Variants in TUB observed in about 807,000 individuals in gnomAD.
The protein encoded by TUB is TUB bipartite transcription factor.
TUB carries 33 observed loss-of-function variants against 59.7 expected under a neutral mutation model. That is an observed-to-expected ratio of 0.55 (90% confidence interval 0.42 to 0.74). TUB has a LOEUF of 0.74. Among genes scored for constraint, TUB ranks in the 30% least tolerant of loss-of-function variants. The probability of loss-of-function intolerance (pLI) is 0.00; values close to 1 mark genes in which losing one functional copy is unlikely to be tolerated. For missense variants in TUB, 659 were observed against 672.0 expected (o/e 0.98, Z 0.21); for synonymous variants, 293 against 256.4 (o/e 1.14, Z -1.36).
At position 8,052,628 on chromosome 11, in the gene TUB, C is replaced by A. The variant is rs527921393; in HGVS notation, c.203+12936C>A. ...GGGACTACAGGTGCCCACCACCACG[C>A]CCTGCTAATTTTTTGTTTTTGTATT... On this transcript the variant is annotated intron_variant, in intron 2 of 12. Coordinates refer to the TUB transcript ENST00000305253. Among the ~76,000 whole-genome samples the A allele has an allele frequency of 4.1e-3, 629 of 152,078 alleles. 9 individuals are homozygous for A. The highest frequency in any genetic ancestry group is 0.014 in the African/African-American group (585 of 41,498).
chr11:8,097,604 T>C, intron 7 of TUB, 110 bp from the exon 8 acceptor site: 1 of 1,293,262 alleles, frequency 7.7e-7, no homozygotes, highest in Non-Finnish European at 1.1e-6. Flanking sequence ...TGTGTGCACA[T>C]ATGTGCGTTT....
rs563110910 is a variant in TUB, at chr11:8,027,780, G to T, written c.56+8422G>T. ...TCCGCCCATCTCAGCCTCCCCAGGT[G>T]CTGGGATTACAGGCGTGAGCCACTG... On this transcript the variant is annotated intron_variant, in intron 1 of 11. Coordinates refer to the TUB transcript ENST00000534099. Among the ~76,000 whole-genome samples, 19 of 152,368 alleles carry T rather than the reference G, an allele frequency of 1.2e-4. No individual in the cohort carries two copies. The South Asian group carries it at 3.9e-3, about 32-fold the overall frequency.
Position 8,090,092 on chromosome 11 carries a change from G to A in TUB, c.114G>A (p.Gln38=), listed in dbSNP as rs61733961. 3.4e-3 allele frequency: 5,513 copies of A among 1,611,072 alleles called. 109 individuals are homozygous for A. The Admixed American group carries it at 0.055, about 16-fold the overall frequency. ...DRQRALLEQK[Q]KKKRQEPLMV... is the part of the protein sequence containing the mutation. ...AGCGGGCCCTGCTGGAGCAGAAGCA[G>A]AAGAAGAAGCGCCAGGAGCCCCTGA... The change falls in exon 3 of 12, where the codon CAG becomes CAA. Residue 38 remains glutamine, a synonymous_variant. Transcript: ENST00000299506.
chr11:8,025,546 T>C (rs1353672417), intron 1 of TUB, among the ~76,000 whole-genome samples: 1 of 152,220 alleles, frequency 6.6e-6, no homozygotes, highest in African/African-American at 2.4e-5. Context: ...TCTGATTCGT[T>C]TCCTAGAGTT....
chr11:8,100,590 C>G lies in TUB; in HGVS notation c.1204C>G (p.Arg402Gly). The G allele has an allele frequency of 6.2e-7, 1 of 1,613,886 alleles. No homozygotes were observed. The highest frequency in any genetic ancestry group is 8.5e-7 in the Non-Finnish European group (1 of 1,179,900). The change falls in exon 10 of 12, where the codon CGC (arginine) becomes GGC (glycine). Residue 402 changes from arginine (R) to glycine (G), a missense_variant. Arg to Gly is a moderately radical substitution (Grantham distance 125). Coordinates refer to ENST00000299506, the MANE Select transcript of TUB (RefSeq NM_177972.3). ...CATGGTTCATGAGAGAGTCTCTATCCGCCCCCGCAACGTGAGTGTCTACCC... is the reference window on the plus strand; with the variant it reads ...CATGGTTCATGAGAGAGTCTCTATCGGCCCCCGCAACGTGAGTGTCTACCC... ...MNMVHERVSI[R>G]PRNEHETLLA... is the part of the protein sequence containing the mutation.
At chr11:8,101,209 A>C (rs985842309) in intron 11 of TUB, among the ~76,000 whole-genome samples, 1 of 152,142 alleles carries the variant, frequency 6.6e-6, no homozygotes, top group South Asian at 2.1e-4. Flanking sequence ...CTGTGTATTC[A>C]ACGGAGTCTC....
At position 8,097,248 on chromosome 11, in the gene TUB, C is replaced by T. The variant is rs758723843; in HGVS notation, c.708C>T (p.Ser236=). ...CATAGGAGGCAGCCTCAGCCCCTAG[C>T]CCAACAGCTCCAGAGCAACCAGTGG... The part of the protein sequence containing the change: ...KSVREAASAP[S]PTAPEQPVDV... Residue 236 remains serine (S), a synonymous_variant, in exon 7 of 12, where the codon AGC becomes AGT. Transcript: ENST00000299506. The T allele has an allele frequency of 1.9e-6, 3 of 1,614,006 alleles. No homozygotes were observed. The African/African-American group carries it at 4.0e-5, about 22-fold the overall frequency.
intron 1 of TUB, among the ~76,000 whole-genome samples, chr11:8,032,729 T>A (rs1054372210): frequency 2.6e-5 from 4 of 152,138 alleles, no homozygotes; most frequent in Admixed American, 6.5e-5. Flanking sequence ...CTGGGAACAT[T>A]TCTTTGGGGA....
chr11:8,027,891 A>G (rs539572707), intron 1 of TUB, among the ~76,000 whole-genome samples: 2 of 152,340 alleles, frequency 1.3e-5, no homozygotes, highest in East Asian at 3.9e-4. Flanking sequence ...AAAATGCTCC[A>G]GTGAACATTG....
At chr11:8,061,734 C>T (rs1943131881) in intron 2 of TUB, among the ~76,000 whole-genome samples, 1 of 152,116 alleles carries the variant, frequency 6.6e-6, no homozygotes, top group Non-Finnish European at 1.5e-5. Context: ...GCTAAGAGAT[C>T]CAGATCCCCA....
At chr11:8,041,979 C>G (rs910635781) in intron 2 of TUB, among the ~76,000 whole-genome samples, 4 of 152,214 alleles carry the variant, frequency 2.6e-5, no homozygotes, top group Non-Finnish European at 5.9e-5. Context: ...ACATTACCCA[C>G]TTATTGGGAT....
At chr11:8,020,107 C>T (rs1942400260) in intron 1 of TUB, among the ~76,000 whole-genome samples, 1 of 152,232 alleles carries the variant, frequency 6.6e-6, no homozygotes, top group Non-Finnish European at 1.5e-5. Context: ...CTAGGTTATG[C>T]CTGTTCTACC....
At chr11:8,072,536 A>G (rs1261596681) in intron 2 of TUB, among the ~76,000 whole-genome samples, 4 of 152,210 alleles carry the variant, frequency 2.6e-5, no homozygotes, top group Non-Finnish European at 1.5e-5. Flanking sequence ...GCGAGCACTT[A>G]GCACAGTGCT....
rs1329738527 is a variant in TUB, at chr11:8,104,717, T to C, written c.*3098T>C. 2 of 152,154 alleles carry C rather than the reference T, an allele frequency of 1.3e-5. No individual in the cohort carries two copies. Among genetic ancestry groups the C allele is most frequent in the African/African-American group, 2.4e-5 (1 of 41,414 alleles). The allele number at this position is 152,154 out of a possible 1,614,324, so 9.4% of individuals were successfully genotyped here. ...TGCATTGCCTGAAAAAACTGGTATG[T>C]TGCACGTATGCTTTTGGTTGAAATT... On this transcript the variant is annotated 3_prime_UTR_variant, in exon 12 of 12. Transcript: ENST00000299506.
chr11:8,089,486 C>CA (rs1808102924), intron 1 of TUB, 124 bp from the exon 2 acceptor site: 1 of 1,163,308 alleles, frequency 8.6e-7, no homozygotes, highest in African/African-American at 1.5e-5. Context: ...CATGTGGGCT[C>CA]ACTGAGTCCC....
intron 2 of TUB, among the ~76,000 whole-genome samples, chr11:8,073,718 T>C (rs974888519): frequency 6.6e-6 from 1 of 152,202 alleles, no homozygotes; most frequent in African/African-American, 2.4e-5. Flanking sequence ...TCAGAACCAC[T>C]CTTTCTATTT....
At chr11:8,039,627 C>G in intron 1 of TUB, 1 of 1,472,536 alleles carries the variant, frequency 6.8e-7, no homozygotes, top group African/African-American at 1.4e-5. Context: ...GAGAGTCACC[C>G]CTTCTTTTCC....
intron 2 of TUB, among the ~76,000 whole-genome samples, chr11:8,069,591 A>G (rs1195210109): frequency 6.6e-6 from 1 of 152,126 alleles, no homozygotes; most frequent in Non-Finnish European, 1.5e-5. Flanking sequence ...CCGTCATCAG[A>G]AATGTCTTTT....
chr11:8,039,439 C>CTGCCTGCT (rs1324812558), intron 1 of TUB: 6 of 467,302 alleles, frequency 1.3e-5, no homozygotes, highest in Non-Finnish European at 2.2e-5. Flanking sequence ...GACTGCCTGC[C>CTGCCTGCT]TGCCTGCCTG....
Sources: gnomAD v4.1 joint callset for allele counts (sites outside exome capture counted in the v4.1 genomes callset) on GRCh38, gnomAD v4.1.1 for gene constraint, MANE v1.5 for transcripts, NCBI Gene and HGNC (gene_info 2026-07-23, HGNC 2026-07-21) for gene names.